The following RRP12 variants were observed in gnomAD, a reference collection of about 807,000 sequenced individuals.
The protein encoded by RRP12 is ribosomal RNA processing 12 homolog, also known as RRP12-like protein.
RRP12 carries 78 observed loss-of-function variants against 157.3 expected under a neutral mutation model. The observed-to-expected ratio is 0.50, with a 90% CI of 0.41 to 0.60. RRP12 has a LOEUF of 0.60. Among genes scored for constraint, RRP12 ranks in the 20% least tolerant of loss-of-function variants. The pLI, the probability that RRP12 is intolerant of heterozygous loss-of-function variation, is 0.00. For missense variants in RRP12, 1,521 were observed against 1,679.9 expected (o/e 0.91, Z 1.65); for synonymous variants, 726 against 670.9 (o/e 1.08, Z -1.27).
In RRP12 at chr10:97,370,263, A is replaced by G. The variant is rs780713716; in HGVS notation, c.2701T>C (p.Cys901Arg). The G allele has an allele frequency of 2.5e-6, 4 of 1,595,042 alleles. No individual in the cohort carries two copies. The African/African-American group carries it at 4.0e-5, about 16-fold the overall frequency. ...CCAGGGTAGATCAGGACGAGGTAGC[A>G]CTGCAGGGCCTCTGGGGACAGAGAC... Reference protein sequence around the residue: ...FGSNQEEALQCYLVLIYPGLV... With the variant: ...FGSNQEEALQRYLVLIYPGLV... Residue 901 changes from cysteine to arginine, a missense_variant, in exon 24 of 34, where the codon TGC becomes CGC. Cys to Arg is a radical substitution (Grantham distance 180). Transcript: ENST00000370992.
rs1166562023 is a variant in RRP12, at chr10:97,373,877, C to T, written c.1816G>A (p.Ala606Thr). 3 of 1,613,448 alleles carry T rather than the reference C, an allele frequency of 1.9e-6. No homozygotes were observed. Among genetic ancestry groups the T allele is most frequent in the Admixed American group, 1.7e-5 (1 of 60,012 alleles). Reference protein sequence around the residue: ...LKSKAMDLAQAGSTVESKIYD... With the variant: ...LKSKAMDLAQTGSTVESKIYD... ...ATCTTAGATTCCACTGTGCTGCCTG[C>T]CTGAGCCAGGTCCATGGCTGCAGTG... The change falls in exon 16 of 34, where the codon GCA becomes ACA. Residue 606 changes from alanine (A) to threonine (T), a missense_variant. Physicochemically the swap from Ala to Thr is moderately conservative, Grantham distance 58. Transcript: ENST00000370992.
At position 97,392,053 on chromosome 10, in the gene RRP12, G is replaced by C. The variant is rs572297463; in HGVS notation, c.531-1209C>G. On this transcript the variant is annotated intron_variant, in intron 4 of 33. Coordinates refer to ENST00000370992, the MANE Select transcript of RRP12 (RefSeq NM_015179.4). Reference sequence around the variant, plus strand: ...AGGGTCTCACTCGTCACCCAAGCTGGAGTGTAGTGGCACAATTAGGCTCAC... The same window carrying C: ...AGGGTCTCACTCGTCACCCAAGCTGCAGTGTAGTGGCACAATTAGGCTCAC... 4.6e-5 allele frequency among the ~76,000 whole-genome samples: 7 copies of C among 151,550 alleles called. No homozygotes were observed. The South Asian group carries it at 1.5e-3, about 32-fold the overall frequency.
At chr10:97,359,776 A>G (rs1843795769) in intron 31 of RRP12, among the ~76,000 whole-genome samples, 1 of 152,228 alleles carries the variant, frequency 6.6e-6, no homozygotes, top group Admixed American at 6.5e-5. Context: ...TGCCTCATCA[A>G]TTGGCAGGTA....
At chr10:97,396,165 A>G in intron 3 of RRP12, 53 bp downstream of exon 3, 1 of 1,314,678 alleles carries the variant, frequency 7.6e-7, no homozygotes, top group South Asian at 1.2e-5. Flanking sequence ...TTCTCGCTAA[A>G]TCTTGCATAA....
chr10:97,393,729 T>G lies in RRP12; in HGVS notation c.485A>C (p.Glu162Ala). The stretch of plus-strand genomic sequence containing the variant: ...CAGGTAAGCAACGGCGGCCAGGGAC[T>G]CCGGGGACTCCACTGCTTCCATTGT... ...MTTMEAVESP[E>A]SLAAVAYLLN... The change falls in exon 4 of 34, where the codon GAG (glutamate) becomes GCG (alanine). Residue 162 changes from glutamate to alanine, a missense_variant. By Grantham distance (107) the Glu-to-Ala change is moderately radical (BLOSUM62 -1). Coordinates refer to ENST00000370992, the MANE Select transcript of RRP12 (RefSeq NM_015179.4). 1 of 1,614,010 alleles carries G rather than the reference T, an allele frequency of 6.2e-7. No individual in the cohort carries two copies.
chr10:97,372,859 G>A, intron 18 of RRP12, 56 bp from the exon 19 acceptor site: 1 of 1,503,218 alleles, frequency 6.7e-7, no homozygotes, highest in East Asian at 2.5e-5. Context: ...GCGAAAGAAA[G>A]CAGCAATGGC....
rs562464585 is a variant in RRP12, at chr10:97,357,104, C to T, written c.3884G>A (p.Arg1295His). 28 of 1,610,830 alleles carry T rather than the reference C, an allele frequency of 1.7e-5. No homozygotes were observed. Among genetic ancestry groups the T allele is most frequent in the South Asian group, 1.1e-4 (10 of 90,948 alleles). ...QVGHKNRRKD[R>H]RP Reference sequence around the variant, plus strand: ...CAGGGGCCCTGGGCCTCAGGGTCGACGATCCTTTCTGCGGTTTTTGTGTCC... The same window carrying T: ...CAGGGGCCCTGGGCCTCAGGGTCGATGATCCTTTCTGCGGTTTTTGTGTCC... Residue 1295 changes from arginine (R) to histidine (H), a missense_variant, in exon 34 of 34, where the codon CGT becomes CAT. Transcript: ENST00000370992.
chr10:97,358,935 G>T lies in RRP12; in HGVS notation c.3708+8C>A. 6.2e-7 allele frequency: 1 copy of T among 1,611,148 alleles called. No homozygotes were observed. Among genetic ancestry groups the T allele is most frequent in the Non-Finnish European group, 8.5e-7 (1 of 1,177,590 alleles). ...CAGGAGACCCCATGCCCTACATGCA[G>T]CACTTACCTTGGCCTTGTATTCAGC... On this transcript the variant is annotated splice_region_variant and intron_variant, in intron 32 of 33. Transcript: ENST00000370992.
intron 30 of RRP12, among the ~76,000 whole-genome samples, chr10:97,361,156 A>G (rs1315517901): frequency 6.6e-6 from 1 of 152,210 alleles, no homozygotes; most frequent in Admixed American, 6.5e-5. Flanking sequence ...CAAGCCAGTC[A>G]TCACTGATCC....
rs551599115 is a variant in RRP12, at chr10:97,383,583, C to T, written c.1208+1583G>A. Among the ~76,000 whole-genome samples the T allele has an allele frequency of 2.0e-4, 30 of 152,368 alleles. No individual in the cohort carries two copies. In the South Asian group the frequency reaches 6.2e-3, roughly 32 times the overall value. On this transcript the variant is annotated intron_variant, in intron 10 of 33. Coordinates refer to ENST00000370992, the MANE Select transcript of RRP12 (RefSeq NM_015179.4). ...CGAGGTCTAAGAGGCCCTTGCCTCC[C>T]TCCATGCAGGTCACCAACTGGTTAC...
chr10:97,383,559 G>A (rs545282916), intron 10 of RRP12, among the ~76,000 whole-genome samples: 2 of 152,338 alleles, frequency 1.3e-5, no homozygotes, highest in Admixed American at 6.5e-5. Flanking sequence ...AGAGAGCCAC[G>A]AGGTCTAAGA....
chr10:97,369,333 G>C (rs982706060), intron 25 of RRP12, 92 bp downstream of exon 25: 1 of 1,337,404 alleles, frequency 7.5e-7, no homozygotes, highest in Admixed American at 2.1e-5. Context: ...AAAAAAAATA[G>C]TTTGAAACTT....
Position 97,393,761 on chromosome 10 carries a change from C to G in RRP12, c.454-1G>C. ...ACTCCACTGCTTCCATTGTTGTCAT[C>G]TGAGGGCCAGATTGAGGGGGTTTGA... On this transcript the variant is annotated splice_acceptor_variant, in intron 3 of 33. Coordinates refer to ENST00000370992, the MANE Select transcript of RRP12 (RefSeq NM_015179.4). LOFTEE classifies it high-confidence loss of function. 6.2e-7 allele frequency: 1 copy of G among 1,613,754 alleles called. No individual in the cohort carries two copies. The highest frequency in any genetic ancestry group is 8.5e-7 in the Non-Finnish European group (1 of 1,179,814).
chr10:97,399,000 G>C (rs1368522226), intron 2 of RRP12, among the ~76,000 whole-genome samples: 1 of 152,150 alleles, frequency 6.6e-6, no homozygotes, highest in Non-Finnish European at 1.5e-5. Context: ...TGGGCCGGGC[G>C]CAGTGGCTCA....
At chr10:97,385,336 C>T in intron 9 of RRP12, 79 bp from the exon 10 acceptor site, 1 of 1,104,236 alleles carries the variant, frequency 9.1e-7, no homozygotes, top group Admixed American at 1.8e-5. Flanking sequence ...CCCATCCTGG[C>T]ACCAGCAATG....
chr10:97,371,212 C>G, intron 20 of RRP12, 131 bp from the exon 21 acceptor site: 1 of 969,636 alleles, frequency 1.0e-6, no homozygotes, highest in East Asian at 2.6e-5. Flanking sequence ...GACAGAGGAC[C>G]AGTGGAATGT....
At chr10:97,377,404 C>G (rs1844339668) in intron 15 of RRP12, among the ~76,000 whole-genome samples, 1 of 151,248 alleles carries the variant, frequency 6.6e-6, no homozygotes, top group Non-Finnish European at 1.5e-5. Flanking sequence ...TGGCACATGC[C>G]TGTAGTCCTA....
chr10:97,389,276 G>C (rs1844730376), intron 6 of RRP12, among the ~76,000 whole-genome samples: 1 of 152,080 alleles, frequency 6.6e-6, no homozygotes, highest in Non-Finnish European at 1.5e-5. Context: ...TGTATTTTTA[G>C]TAGAGACGGG....
intron 4 of RRP12, among the ~76,000 whole-genome samples, chr10:97,392,327 C>CA (rs1051682728): frequency 6.6e-6 from 1 of 151,602 alleles, no homozygotes; most frequent in African/African-American, 2.4e-5. Flanking sequence ...CTTAAAGAAT[C>CA]AAGGTTTTTT....
Sources: gnomAD v4.1 joint callset for allele counts (sites outside exome capture counted in the v4.1 genomes callset) on GRCh38, gnomAD v4.1.1 for gene constraint, MANE v1.5 for transcripts, NCBI Gene and HGNC (gene_info 2026-07-23, HGNC 2026-07-21) for gene names.